The following OPHN1 variants were observed in gnomAD, a reference collection of about 807,000 sequenced individuals.
The protein encoded by OPHN1 is oligophrenin-1.
A neutral mutation model predicts 60.7 loss-of-function variants in OPHN1; 11 were observed. The observed-to-expected ratio is 0.18, with a 90% CI of 0.11 to 0.30. The LOEUF (loss-of-function observed/expected upper bound fraction) is 0.30, where lower values mean the gene tolerates loss of function less well. Among genes scored for constraint, OPHN1 ranks in the 10% least tolerant of loss-of-function variants. The probability of loss-of-function intolerance (pLI) is 1.00; values close to 1 mark genes in which losing one functional copy is unlikely to be tolerated. For missense variants in OPHN1, 449 were observed against 611.0 expected (o/e 0.73, Z 2.80); for synonymous variants, 226 against 222.6 (o/e 1.02, Z -0.14).
intron 21 of OPHN1, among the ~76,000 whole-genome samples, chrX:68,063,440 G>T (rs983187363): frequency 9.2e-5 from 10 of 108,871 alleles, no homozygotes; most frequent in African/African-American, 3.0e-4. Flanking sequence ...GAAATCACTT[G>T]AACCTAGGAG....
At chrX:68,137,873 A>G (rs1250315587) in intron 15 of OPHN1, among the ~76,000 whole-genome samples, 1 of 111,774 alleles carries the variant, frequency 8.9e-6, no homozygotes, top group East Asian at 2.8e-4. Flanking sequence ...ATAGAAAGGT[A>G]TACTTTTCCA....
chrX:68,130,341 A>G (rs1039077690), intron 15 of OPHN1, among the ~76,000 whole-genome samples: 1 of 111,640 alleles, frequency 9.0e-6, no homozygotes, highest in African/African-American at 3.3e-5. Context: ...CCATATGCCA[A>G]TTGATTCTCC....
At chrX:68,142,688 G>A (rs972270462) in intron 15 of OPHN1, among the ~76,000 whole-genome samples, 1 of 112,160 alleles carries the variant, frequency 8.9e-6, no homozygotes, top group Non-Finnish European at 1.9e-5. Context: ...GGGATTATTT[G>A]CAACAATATT....
intron 5 of OPHN1, among the ~76,000 whole-genome samples, chrX:68,266,624 C>T (rs1007611158): frequency 9.0e-5 from 10 of 111,390 alleles, no homozygotes; most frequent in East Asian, 5.6e-4. Context: ...CATCAACTAA[C>T]GAGCAAAATC....
chrX:68,219,747 A>C (rs1276847599), intron 6 of OPHN1, among the ~76,000 whole-genome samples: 1 of 102,232 alleles, frequency 9.8e-6, no homozygotes. Context: ...ACAAAGACAC[A>C]ACATACCAGA....
intron 6 of OPHN1, among the ~76,000 whole-genome samples, chrX:68,226,396 C>G (rs1466412118): frequency 1.8e-5 from 2 of 110,905 alleles, no homozygotes; most frequent in Admixed American, 1.9e-4. Context: ...AAAGATACTG[C>G]TTGAGAAGAG....
chrX:68,170,914 CTAAAACT>C (rs950928543), intron 15 of OPHN1, among the ~76,000 whole-genome samples: 10 of 108,574 alleles, frequency 9.2e-5, no homozygotes, highest in African/African-American at 3.4e-4. Flanking sequence ...CACATGTACC[CTAAAACT>C]TAAAGTATAA....
chrX:68,227,901 A>G (rs1348141264), intron 6 of OPHN1, among the ~76,000 whole-genome samples: 1 of 111,238 alleles, frequency 9.0e-6, no homozygotes, highest in Non-Finnish European at 1.9e-5. Flanking sequence ...GAAATAACTA[A>G]GATCAGAGCA....
intron 2 of OPHN1, among the ~76,000 whole-genome samples, chrX:68,378,882 G>C (rs1412463935): frequency 1.8e-5 from 2 of 111,560 alleles, no homozygotes; most frequent in Admixed American, 1.9e-4. Context: ...CTCCAGCTTT[G>C]TTCTTTTTGC....
chrX:68,055,254 C>G, intron 21 of OPHN1, among the ~76,000 whole-genome samples: 1 of 112,036 alleles, frequency 8.9e-6, no homozygotes, highest in Middle Eastern at 4.6e-3. Flanking sequence ...TTGTAGGACC[C>G]TAGACAGGTA....
At chrX:68,234,853 G>A (rs2077745057) in intron 5 of OPHN1, among the ~76,000 whole-genome samples, 1 of 112,311 alleles carries the variant, frequency 8.9e-6, no homozygotes, top group South Asian at 3.7e-4. Context: ...CTTAGAGAAT[G>A]ATACCTTAAA....
intron 21 of OPHN1, among the ~76,000 whole-genome samples, chrX:68,055,640 A>C (rs990621099): frequency 4.5e-5 from 5 of 112,348 alleles, no homozygotes; most frequent in Non-Finnish European, 9.4e-5. Context: ...GCTACTATAA[A>C]GATACATGCA....
intron 18 of OPHN1, among the ~76,000 whole-genome samples, chrX:68,105,959 G>A (rs1432325206): frequency 9.1e-6 from 1 of 109,590 alleles, no homozygotes; most frequent in African/African-American, 3.3e-5. Flanking sequence ...GTCTGGAAAA[G>A]TCAAAATTGT....
At chrX:68,373,785 G>A (rs1286899913) in intron 2 of OPHN1, among the ~76,000 whole-genome samples, 1 of 111,168 alleles carries the variant, frequency 9.0e-6, no homozygotes, top group Non-Finnish European at 1.9e-5. Flanking sequence ...TTAACCACAT[G>A]AACTACATGC....
intron 21 of OPHN1, among the ~76,000 whole-genome samples, chrX:68,054,501 C>T (rs2076864947): frequency 1.8e-5 from 2 of 110,125 alleles, no homozygotes; most frequent in Non-Finnish European, 3.8e-5. Context: ...GGTTCATACT[C>T]GTTGATCCAG....
At chrX:68,181,294 G>A (rs1183864995) in intron 15 of OPHN1, among the ~76,000 whole-genome samples, 1 of 110,969 alleles carries the variant, frequency 9.0e-6, no homozygotes, top group Admixed American at 9.7e-5. Flanking sequence ...ACATACTAAG[G>A]ACTAAAATCC....
intron 18 of OPHN1, among the ~76,000 whole-genome samples, chrX:68,101,188 T>C (rs765279406): frequency 1.8e-5 from 2 of 112,465 alleles, no homozygotes; most frequent in African/African-American, 6.4e-5. Flanking sequence ...ACATTATTTA[T>C]GTACCACTAA....
At chrX:68,292,609 T>A (rs1272250497) in intron 3 of OPHN1, among the ~76,000 whole-genome samples, 1 of 111,506 alleles carries the variant, frequency 9.0e-6, no homozygotes, top group African/African-American at 3.3e-5. Context: ...GCATTTAGAA[T>A]CAGCTCCTAG....
intron 2 of OPHN1, among the ~76,000 whole-genome samples, chrX:68,389,568 AAAAT>A (rs200288420): frequency 0.6 from 45,922 of 76,615 alleles, 15,545 homozygotes; most frequent in Non-Finnish European, 0.8. Context: ...CTCCCTCTCA[AAAAT>A]AAATAAATAA....
Sources: gnomAD v4.1 joint callset for allele counts (sites outside exome capture counted in the v4.1 genomes callset) on GRCh38, gnomAD v4.1.1 for gene constraint, MANE v1.5 for transcripts, NCBI Gene and HGNC (gene_info 2026-07-23, HGNC 2026-07-21) for gene names.